The following C12orf42 variants were observed in gnomAD, a reference collection of about 807,000 sequenced individuals.
C12orf42 encodes chromosome 12 open reading frame 42, also known as uncharacterized protein C12orf42.
Under a neutral mutation model 21.6 loss-of-function variants are expected in C12orf42, and 25 were observed. That is an observed-to-expected ratio of 1.16 (90% CI 0.84 to 1.62). C12orf42 has a LOEUF of 1.62. Ranked by LOEUF, C12orf42 falls within the 40% of genes most tolerant of loss-of-function variation. The pLI, the probability that C12orf42 is intolerant of heterozygous loss-of-function variation, is 0.00. For synonymous variants in C12orf42, 174 were observed against 175.0 expected (o/e 0.99, Z 0.05); for missense variants, 483 against 459.3 (o/e 1.05, Z -0.47).
chr12:103,488,609 T>A (rs886958619), intron 1 of C12orf42, among the ~76,000 whole-genome samples: 6 of 152,226 alleles, frequency 3.9e-5, no homozygotes, highest in South Asian at 2.1e-4. Context: ...AGATTTGGTC[T>A]TTTCACATAG....
At chr12:103,173,144 G>A in the C12orf42 span, among the ~76,000 whole-genome samples, 1 of 152,206 alleles carries the variant, frequency 6.6e-6, no homozygotes, top group African/African-American at 2.4e-5. Flanking sequence ...GTCCAGAGTT[G>A]TTCGTACATT....
At chr12:103,164,661 T>C in the C12orf42 span, 1 of 448,272 alleles carries the variant, frequency 2.2e-6, no homozygotes, top group Non-Finnish European at 4.5e-6. Context: ...TTGTCTGTGT[T>C]ACTTTTGTAA....
chr12:103,065,876 T>G, the C12orf42 span, among the ~76,000 whole-genome samples: 1 of 152,234 alleles, frequency 6.6e-6, no homozygotes, highest in Non-Finnish European at 1.5e-5. Context: ...TCAAGTGGCC[T>G]GAAAGGCTGC....
intron 4 of C12orf42, among the ~76,000 whole-genome samples, chr12:103,284,695 G>C (rs1204008513): frequency 6.6e-6 from 1 of 152,266 alleles, no homozygotes; most frequent in African/African-American, 2.4e-5. Flanking sequence ...ATGAATAAAT[G>C]AATTCCTATC....
At chr12:103,435,694 T>G (rs1353093033) in intron 2 of C12orf42, among the ~76,000 whole-genome samples, 4 of 150,184 alleles carry the variant, frequency 2.7e-5, no homozygotes, top group Non-Finnish European at 6.0e-5. Flanking sequence ...GAAGGGAAGT[T>G]TAGAGAAAAA....
intron 1 of C12orf42, among the ~76,000 whole-genome samples, chr12:103,486,664 C>T (rs1954854610): frequency 6.6e-6 from 1 of 152,106 alleles, no homozygotes; most frequent in South Asian, 2.1e-4. Flanking sequence ...TTCAGAGATT[C>T]AACTTCTTCC....
the C12orf42 span, among the ~76,000 whole-genome samples, chr12:103,540,661 T>C: frequency 6.6e-6 from 1 of 152,320 alleles, no homozygotes; most frequent in South Asian, 2.1e-4. Flanking sequence ...ATCTCCAATC[T>C]TTCTGTATCC....
rs186502445 is a variant in C12orf42 at position 103,467,109 on chromosome 12, C to T, written c.78+11240G>A. Among the ~76,000 whole-genome samples the T allele has an allele frequency of 2.3e-4, 35 of 152,184 alleles. No homozygotes were observed. In the Middle Eastern group the frequency reaches 0.01, roughly 44 times the overall value. ...ACACCTGAGCAAAATAAATATTTACCGCTGTAAATTGTCTGTTACATATTG... is the reference window on the plus strand; with the variant it reads ...ACACCTGAGCAAAATAAATATTTACTGCTGTAAATTGTCTGTTACATATTG... On this transcript the variant is annotated intron_variant, in intron 2 of 5. Coordinates refer to ENST00000548883, the MANE Select transcript of C12orf42 (RefSeq NM_198521.5).
At chr12:103,076,148 G>C in the C12orf42 span, among the ~76,000 whole-genome samples, 1 of 151,738 alleles carries the variant, frequency 6.6e-6, no homozygotes, top group Non-Finnish European at 1.5e-5. Context: ...TGGGTTGATG[G>C]GTGCAGCAAA....
chr12:103,141,656 A>G, the C12orf42 span, among the ~76,000 whole-genome samples: 5 of 151,720 alleles, frequency 3.3e-5, no homozygotes, highest in South Asian at 2.1e-4. Flanking sequence ...CGGCCTCCCA[A>G]GTAGCTGGGA....
chr12:103,428,077 G>A (rs751521073), intron 2 of C12orf42, among the ~76,000 whole-genome samples: 1 of 152,098 alleles, frequency 6.6e-6, no homozygotes, highest in Admixed American at 6.5e-5. Flanking sequence ...AGAGAAGCAA[G>A]AGCAAACAAA....
chr12:103,224,529 G>A, the C12orf42 span, among the ~76,000 whole-genome samples: 2 of 152,204 alleles, frequency 1.3e-5, no homozygotes, highest in South Asian at 4.1e-4. Context: ...CAGTCATGGG[G>A]GTCAGGTGTG....
rs2036528929 is a variant in C12orf42 at position 103,287,338 on chromosome 12, A to G, written n.338-10128T>C. Among the ~76,000 whole-genome samples, 4 of 152,244 alleles carry G rather than the reference A, an allele frequency of 2.6e-5. No individual in the cohort carries two copies. The South Asian group carries it at 8.3e-4, about 31-fold the overall frequency. Reference sequence around the variant, plus strand: ...AACAATGATAGACTGGATTAAGAAAATGTGGCACATAGACGCCATGGAATA... The same window carrying G: ...AACAATGATAGACTGGATTAAGAAAGTGTGGCACATAGACGCCATGGAATA... On this transcript the variant is annotated intron_variant and non_coding_transcript_variant, in intron 4 of 6. Transcript: ENST00000546526.
At chr12:103,233,469 T>C (rs78622460), downstream of C12orf42, among the ~76,000 whole-genome samples, 2,969 of 152,282 alleles carry the variant, frequency 0.019, 109 homozygotes, top group African/African-American at 0.067. Context: ...GAAATAACTC[T>C]CTGTTTATTT....
intron 4 of C12orf42, among the ~76,000 whole-genome samples, chr12:103,283,761 G>A (rs1300098886): frequency 6.6e-6 from 1 of 152,138 alleles, no homozygotes; most frequent in Non-Finnish European, 1.5e-5. Context: ...ATGTCTTTGT[G>A]CACCAATTTG....
At chr12:103,187,874 G>A in the C12orf42 span, among the ~76,000 whole-genome samples, 3 of 152,106 alleles carry the variant, frequency 2.0e-5, no homozygotes, top group African/African-American at 7.2e-5. Context: ...TGTGTGCCTT[G>A]ACTCCTTACA....
the C12orf42 span, among the ~76,000 whole-genome samples, chr12:103,110,907 G>A: frequency 2.0e-5 from 3 of 152,140 alleles, no homozygotes; most frequent in Non-Finnish European, 2.9e-5. Flanking sequence ...TTTTTAAGTG[G>A]TGACACCAAA....
chr12:103,076,003 T>C, the C12orf42 span, among the ~76,000 whole-genome samples: 5 of 152,258 alleles, frequency 3.3e-5, no homozygotes, highest in African/African-American at 1.2e-4. Context: ...GAGTTTGAAA[T>C]GCTTTGAGAC....
the C12orf42 span, among the ~76,000 whole-genome samples, chr12:103,210,639 C>CTTTTTTTTTTTTTTTTTTTTTTTTT: frequency 1.3e-4 from 10 of 77,670 alleles, no homozygotes; most frequent in Admixed American, 3.0e-4. Context: ...CCCTCTATTT[C>CTTTTTTTTTTTTTTTTTTTTTTTTT]TTTTTTTTTT....
Sources: allele counts gnomAD v4.1 joint callset (sites outside exome capture counted in the v4.1 genomes callset), GRCh38; gene constraint gnomAD v4.1.1; transcripts MANE v1.5; gene names NCBI Gene and HGNC (gene_info 2026-07-23, HGNC 2026-07-21).